The following KLF7 variants were observed in gnomAD, a reference collection of about 807,000 sequenced individuals.
KLF7 encodes KLF transcription factor 7, also known as Krueppel-like factor 7.
Under a neutral mutation model 27.3 loss-of-function variants are expected in KLF7, and 2 were observed. The observed-to-expected ratio is 0.07, with a 90% CI of 0.03 to 0.23. The LOEUF is 0.23. Ranked by LOEUF, KLF7 falls within the 10% of genes least tolerant of loss-of-function variation. The pLI, the probability that KLF7 is intolerant of heterozygous loss-of-function variation, is 1.00. For synonymous variants in KLF7, 165 were observed against 162.4 expected, an observed-to-expected ratio of 1.02 and a Z score of -0.12; for missense variants, 221 against 394.1, an observed-to-expected ratio of 0.56 and a Z score of 3.72.
At chr2:207,128,030 G>A (rs73983186) in intron 1 of KLF7, among the ~76,000 whole-genome samples, 6,088 of 152,204 alleles carry the variant, frequency 0.04, 394 homozygotes, top group African/African-American at 0.14. Context: ...CAGGAGCAAT[G>A]AGCACACTTA....
chr2:207,134,154 ATTTTTT>A lies in KLF7; in HGVS notation c.103-9756_103-9751del, dbSNP rs35538720. The A allele has an allele frequency of 3.6e-5, 41 of 1,142,518 alleles. No homozygotes were observed. In the African/African-American group the frequency reaches 4.5e-4, roughly 13 times the overall value. 70.8% of individuals were successfully genotyped at this position (1,142,518 alleles called of 1,614,324 possible). The stretch of plus-strand genomic sequence containing the variant: ...GCACAGGCTGACTCGGGCTACTGGG[ATTTTTT>A]TTTTTTTTTTTTTTTAAAGCAAACT... On this transcript the variant is annotated intron_variant, in intron 1 of 3. Transcript: ENST00000309446.
chr2:207,088,690 A>C, intron 2 of KLF7, 109 bp from the exon 3 acceptor site: 3 of 1,210,222 alleles, frequency 2.5e-6, no homozygotes, highest in Non-Finnish European at 3.4e-6. Context: ...TGTTTAACTC[A>C]TTCCTGAAAG....
chr2:207,136,544 T>C (rs764487), intron 1 of KLF7, among the ~76,000 whole-genome samples: 1 of 152,024 alleles, frequency 6.6e-6, no homozygotes, highest in African/African-American at 2.4e-5. Flanking sequence ...AGCCCATTCA[T>C]TCTTCATCAT....
chr2:207,142,398 A>G (rs890357669), intron 1 of KLF7, among the ~76,000 whole-genome samples: 5 of 152,200 alleles, frequency 3.3e-5, no homozygotes, highest in African/African-American at 1.2e-4. Context: ...TTATTTACTG[A>G]GCTTCCACTT....
intron 1 of KLF7, among the ~76,000 whole-genome samples, chr2:207,130,540 G>A (rs1318755925): frequency 6.6e-6 from 1 of 152,176 alleles, no homozygotes; most frequent in African/African-American, 2.4e-5. Flanking sequence ...TGTTTGAAGT[G>A]ATGGAGAGTT....
At chr2:207,145,354 C>G (rs2078070465) in intron 1 of KLF7, among the ~76,000 whole-genome samples, 1 of 152,120 alleles carries the variant, frequency 6.6e-6, no homozygotes, top group Non-Finnish European at 1.5e-5. Context: ...TTTAATGAAC[C>G]TTTAAACAAT....
chr2:207,113,669 G>GGTACC (rs2077100988), intron 2 of KLF7, among the ~76,000 whole-genome samples: 2 of 150,064 alleles, frequency 1.3e-5, no homozygotes, highest in Non-Finnish European at 3.0e-5. Flanking sequence ...CAGCTGTGTA[G>GGTACC]CAGGCCCAGG....
At chr2:207,134,202 T>C in intron 1 of KLF7, 1 of 1,265,042 alleles carries the variant, frequency 7.9e-7, no homozygotes. Context: ...ATTGGCTCCT[T>C]CCTGGAACAC....
At chr2:207,166,279 G>T, upstream of KLF7, 1 of 750,176 alleles carries the variant, frequency 1.3e-6, no homozygotes, top group Non-Finnish European at 1.6e-6. Context: ...CCCTGGCGGC[G>T]GGCGCGGATT....
intron 1 of KLF7, among the ~76,000 whole-genome samples, chr2:207,159,179 T>C (rs1029660734): frequency 3.3e-5 from 5 of 152,220 alleles, no homozygotes; most frequent in African/African-American, 9.6e-5. Context: ...CTCTACGTTA[T>C]TTTAATTACC....
chr2:207,168,027 TCTCCCCTGACCCCCATGCTATTTCAA>T (rs1429363962), upstream of KLF7, among the ~76,000 whole-genome samples: 2 of 152,092 alleles, frequency 1.3e-5, no homozygotes, highest in Non-Finnish European at 2.9e-5. Flanking sequence ...TTCTCCATGC[TCTCCCCTGACCCCCATGCTATTTCAA>T]CTGGGGGGAT....
At chr2:207,149,161 C>T (rs2078174794) in intron 1 of KLF7, 2 of 1,288,424 alleles carry the variant, frequency 1.6e-6, no homozygotes, top group Admixed American at 2.3e-5. Flanking sequence ...TAATAAGAAA[C>T]TGGTGTGTTT....
At position 207,165,656 on chromosome 2, in the gene KLF7, C is replaced by T. The variant is rs1018877333; in HGVS notation, c.-88G>A. ...TTTGTCAGTCTGTCTGGCTCACCCC[C>T]CAAGAAGGCAGACATCCAGTGGCCC... On this transcript the variant is annotated 5_prime_UTR_variant, in exon 1 of 4. Coordinates refer to ENST00000309446, the MANE Select transcript of KLF7 (RefSeq NM_003709.4). The T allele has an allele frequency of 3.8e-6, 6 of 1,587,872 alleles. No individual in the cohort carries two copies. Among genetic ancestry groups the T allele is most frequent in the East Asian group, 2.2e-5 (1 of 44,556 alleles).
intron 1 of KLF7, among the ~76,000 whole-genome samples, chr2:207,130,542 T>C (rs137946602): frequency 4.9e-4 from 74 of 152,360 alleles, no homozygotes; most frequent in African/African-American, 1.6e-3. Context: ...TTTGAAGTGA[T>C]GGAGAGTTGG....
chr2:207,168,423 TACTA>T (rs1293580416), upstream of KLF7, among the ~76,000 whole-genome samples: 2 of 152,158 alleles, frequency 1.3e-5, no homozygotes, highest in Non-Finnish European at 2.9e-5. Context: ...CGCTTGGAAA[TACTA>T]AGTAAGTTGG....
intron 1 of KLF7, among the ~76,000 whole-genome samples, chr2:207,165,145 G>T (rs1288823562): frequency 6.6e-6 from 1 of 151,944 alleles, no homozygotes; most frequent in Non-Finnish European, 1.5e-5. Flanking sequence ...TTCCCACCCG[G>T]CTCCTCCGAA....
At chr2:207,166,094 C>A, upstream of KLF7, 1 of 972,750 alleles carries the variant, frequency 1.0e-6, no homozygotes, top group Non-Finnish European at 1.2e-6. Context: ...TTTTCTCCTC[C>A]TCCTGCTCTT....
At chr2:207,090,389 G>T (rs2076483902) in intron 2 of KLF7, among the ~76,000 whole-genome samples, 1 of 152,232 alleles carries the variant, frequency 6.6e-6, no homozygotes, top group African/African-American at 2.4e-5. Flanking sequence ...GGATCTTGCT[G>T]CGTTCATTCC....
chr2:207,140,052 C>A (rs1043694671), intron 1 of KLF7, among the ~76,000 whole-genome samples: 1 of 152,106 alleles, frequency 6.6e-6, no homozygotes, highest in Non-Finnish European at 1.5e-5. Flanking sequence ...TCACACCCAG[C>A]TAATTTTTGT....
Sources: allele counts gnomAD v4.1 joint callset (sites outside exome capture counted in the v4.1 genomes callset), GRCh38; gene constraint gnomAD v4.1.1; transcripts MANE v1.5; gene names NCBI Gene and HGNC (gene_info 2026-07-23, HGNC 2026-07-21).